TCP11L2: variants seen among roughly 807,000 people sequenced by gnomAD.
TCP11L2 encodes t-complex 11 like 2.
Under a neutral mutation model 50.7 loss-of-function variants are expected in TCP11L2, and 39 were observed. That is an observed-to-expected ratio of 0.77 (90% confidence interval 0.60 to 1.01). TCP11L2 has a LOEUF of 1.01. TCP11L2 is among the 50% of genes least tolerant of loss of function. The pLI is 0.00. For missense variants in TCP11L2, 612 were observed against 614.7 expected, an observed-to-expected ratio of 1.00 and a Z score of 0.05; for synonymous variants, 192 against 219.3, an observed-to-expected ratio of 0.88 and a Z score of 1.10.
upstream of TCP11L2, chr12:106,302,009 C>G (rs1483400252): frequency 6.6e-6 from 1 of 152,208 alleles, no homozygotes; most frequent in Non-Finnish European, 1.5e-5. Flanking sequence ...AATCTAGACC[C>G]GTGTTTATGT....
chr12:106,323,140 T>A (rs2035401818), intron 5 of TCP11L2, among the ~76,000 whole-genome samples: 1 of 152,224 alleles, frequency 6.6e-6, no homozygotes. Context: ...AAGTGTTTTT[T>A]CCTCAGTGCC....
At chr12:106,318,673 T>G (rs1293003822) in intron 4 of TCP11L2, among the ~76,000 whole-genome samples, 1 of 152,242 alleles carries the variant, frequency 6.6e-6, no homozygotes, top group African/African-American at 2.4e-5. Flanking sequence ...TTGCTGTGTC[T>G]TCACGTGGCA....
At chr12:106,302,332 C>G (rs1248591712), upstream of TCP11L2, among the ~76,000 whole-genome samples, 3 of 93,094 alleles carry the variant, frequency 3.2e-5, no homozygotes, top group Non-Finnish European at 2.2e-5. Context: ...CCCCGCTCAG[C>G]CCCCGCTCAG....
chr12:106,323,227 C>T (rs2035405163), intron 5 of TCP11L2, among the ~76,000 whole-genome samples: 1 of 152,160 alleles, frequency 6.6e-6, no homozygotes, highest in South Asian at 2.1e-4. Context: ...TGTCCTGGCT[C>T]TTTAAAATTT....
Position 106,325,353 on chromosome 12 carries a change from GATGAGGAGGAGGGTCTAACA to G in TCP11L2, c.772+1711_772+1730del, listed in dbSNP as rs140772872. 8.6e-3 allele frequency: 1,315 copies of G among 152,590 alleles called. 61 individuals carry two copies. The highest frequency in any genetic ancestry group is 0.06 in the Admixed American group (916 of 15,304). The allele number at this position is 152,590 out of a possible 1,614,324, so 9.5% of individuals were successfully genotyped here. ...TCCAGCAGCTAGAAGCTGAAGTTGAGATGAGGAGGAGGGTCTAACAATGGAGACTATGAGGGAGTAGCCAG... is the reference window on the plus strand; with the variant it reads ...TCCAGCAGCTAGAAGCTGAAGTTGAGATGGAGACTATGAGGGAGTAGCCAG... On this transcript the variant is annotated intron_variant, in intron 6 of 9. Transcript: ENST00000299045.
At chr12:106,335,941 A>G (rs2035902818) in intron 7 of TCP11L2, 91 bp from the exon 8 acceptor site, 1 of 1,498,644 alleles carries the variant, frequency 6.7e-7, no homozygotes, top group Non-Finnish European at 8.9e-7. Context: ...AATCAGATAA[A>G]AATGGGAATT....
At chr12:106,318,206 A>G (rs934022345) in intron 3 of TCP11L2, 138 bp from the exon 4 acceptor site, 2 of 1,001,930 alleles carry the variant, frequency 2.0e-6, no homozygotes, top group South Asian at 1.8e-5. Flanking sequence ...CAAGAAAAAT[A>G]TTAAAAGATT....
At chr12:106,323,013 C>T (rs1241850354) in intron 5 of TCP11L2, among the ~76,000 whole-genome samples, 1 of 152,164 alleles carries the variant, frequency 6.6e-6, no homozygotes, top group African/African-American at 2.4e-5. Flanking sequence ...TGAGGTTGTC[C>T]TCTTTCACAG....
At chr12:106,314,324 C>T (rs2034980875) in intron 2 of TCP11L2, 34 bp from the exon 3 acceptor site, 1 of 1,589,504 alleles carries the variant, frequency 6.3e-7, no homozygotes, top group Non-Finnish European at 8.6e-7. Flanking sequence ...AACTTTTCTT[C>T]TGCAACATTA....
chr12:106,308,597 A>G (rs1451767200), intron 1 of TCP11L2, among the ~76,000 whole-genome samples: 1 of 152,240 alleles, frequency 6.6e-6, no homozygotes, highest in East Asian at 1.9e-4. Context: ...CAGAGCATGC[A>G]TAGCACAGCG....
chr12:106,314,018 G>A (rs886170758), intron 2 of TCP11L2, among the ~76,000 whole-genome samples: 9 of 151,984 alleles, frequency 5.9e-5, no homozygotes, highest in African/African-American at 1.7e-4. Context: ...TACCTGCCTC[G>A]GCCTCCCAAA....
intron 3 of TCP11L2, among the ~76,000 whole-genome samples, chr12:106,315,966 G>C (rs2035064511): frequency 6.6e-6 from 1 of 152,194 alleles, no homozygotes; most frequent in African/African-American, 2.4e-5. Flanking sequence ...TTGTTTTAAA[G>C]CAGGAAAAGT....
chr12:106,308,894 C>G (rs1283536369), intron 1 of TCP11L2, among the ~76,000 whole-genome samples: 1 of 152,182 alleles, frequency 6.6e-6, no homozygotes, highest in African/African-American at 2.4e-5. Context: ...ATACTTGGCG[C>G]TGGTCATGGA....
At chr12:106,320,083 T>C (rs185185068) in intron 4 of TCP11L2, among the ~76,000 whole-genome samples, 1 of 152,342 alleles carries the variant, frequency 6.6e-6, no homozygotes, top group African/African-American at 2.4e-5. Context: ...TCAACACTTT[T>C]TCTTTATAAT....
chr12:106,318,866 A>G (rs1221236695), intron 4 of TCP11L2, among the ~76,000 whole-genome samples: 19 of 150,442 alleles, frequency 1.3e-4, no homozygotes, highest in Admixed American at 1.3e-3. Context: ...TCATGCCACC[A>G]TGCCTGGCTA....
chr12:106,312,326 C>T, intron 2 of TCP11L2: 1 of 819,024 alleles, frequency 1.2e-6, no homozygotes, highest in Non-Finnish European at 1.7e-6. Context: ...TGAAGCCTTT[C>T]TGGAAAGACT....
chr12:106,330,907 A>G (rs569281959), intron 6 of TCP11L2, among the ~76,000 whole-genome samples: 2 of 152,348 alleles, frequency 1.3e-5, no homozygotes, highest in Middle Eastern at 3.4e-3. Context: ...GCACCTAGTA[A>G]CCTATATTGT....
Position 106,346,749 on chromosome 12 carries a change from C to A in TCP11L2, c.*219C>A. The A allele has an allele frequency of 2.1e-6, 1 of 468,288 alleles. No homozygotes were observed. Among genetic ancestry groups the A allele is most frequent in the Non-Finnish European group, 3.7e-6 (1 of 273,336 alleles). The allele number at this position is 468,288 out of a possible 1,614,324, so 29.0% of individuals were successfully genotyped here. A position where few individuals can be genotyped will look rare whatever the true frequency, so the allele number is the denominator to read the frequency against. On this transcript the variant is annotated 3_prime_UTR_variant, in exon 10 of 10. Transcript: ENST00000299045. Reference sequence around the variant, plus strand: ...ATAGACCCTATTTGTGCATCATTTTCAAGTTTAAAACAAATATTTGTAATG... The same window carrying A: ...ATAGACCCTATTTGTGCATCATTTTAAAGTTTAAAACAAATATTTGTAATG...
chr12:106,302,320 C>CCCACCGCTCAGCCCCCGCTCAG (rs2034439211), upstream of TCP11L2, among the ~76,000 whole-genome samples: 1 of 40,036 alleles, frequency 2.5e-5, no homozygotes, highest in Admixed American at 2.2e-4. Flanking sequence ...AGCCCCCGCT[C>CCCACCGCTCAGCCCCCGCTCAG]CCCCCGCTCA....
Sources: gnomAD v4.1 joint callset for allele counts (sites outside exome capture counted in the v4.1 genomes callset) on GRCh38, gnomAD v4.1.1 for gene constraint, MANE v1.5 for transcripts, NCBI Gene and HGNC (gene_info 2026-07-23, HGNC 2026-07-21) for gene names.